NEGR1: variants seen among roughly 807,000 people sequenced by gnomAD.
NEGR1 encodes the protein neuronal growth regulator 1, also known as IgLON family member 4.
Under a neutral mutation model 40.9 loss-of-function variants are expected in NEGR1, and 10 were observed. The observed-to-expected ratio is 0.24, with a 90% CI of 0.15 to 0.42. NEGR1 has a LOEUF of 0.42. Among genes scored for constraint, NEGR1 ranks in the 10% least tolerant of loss-of-function variants. The pLI, the probability that NEGR1 is intolerant of heterozygous loss-of-function variation, is 1.00. For synonymous variants in NEGR1, 185 were observed against 166.8 expected, an observed-to-expected ratio of 1.11 and a Z score of -0.84; for missense variants, 352 against 438.9, an observed-to-expected ratio of 0.80 and a Z score of 1.77.
intron 2 of NEGR1, among the ~76,000 whole-genome samples, chr1:71,817,199 T>A (rs1271554344): frequency 6.6e-6 from 1 of 152,082 alleles, no homozygotes; most frequent in Non-Finnish European, 1.5e-5. Flanking sequence ...GACTTGCTCA[T>A]GCAGCTTCCA....
intron 1 of NEGR1, among the ~76,000 whole-genome samples, chr1:71,959,312 A>G (rs1646144372): frequency 6.6e-6 from 1 of 152,182 alleles, no homozygotes; most frequent in Non-Finnish European, 1.5e-5. Context: ...GTCATCCTGT[A>G]TGACTTTCCA....
At chr1:72,035,377 G>A (rs138422664) in intron 1 of NEGR1, among the ~76,000 whole-genome samples, 44 of 152,210 alleles carry the variant, frequency 2.9e-4, no homozygotes, top group East Asian at 5.8e-4. Flanking sequence ...CAATGGAGCC[G>A]TTTCAACCGG....
chr1:71,966,048 A>G (rs1646207114), intron 1 of NEGR1, among the ~76,000 whole-genome samples: 2 of 152,186 alleles, frequency 1.3e-5, no homozygotes, highest in South Asian at 2.1e-4. Context: ...TAGAATGTTA[A>G]TAACTATGTT....
chr1:71,806,917 G>A (rs1183274839), intron 2 of NEGR1, among the ~76,000 whole-genome samples: 1 of 143,746 alleles, frequency 7.0e-6, no homozygotes, highest in African/African-American at 2.6e-5. Flanking sequence ...TTTTGAGATG[G>A]AGTCTCACTC....
chr1:72,120,144 G>A (rs1043410581), intron 1 of NEGR1, among the ~76,000 whole-genome samples: 1 of 151,888 alleles, frequency 6.6e-6, no homozygotes, highest in Non-Finnish European at 1.5e-5. Flanking sequence ...CAGAGTCTAT[G>A]TCAGTGAACC....
intron 5 of NEGR1, among the ~76,000 whole-genome samples, chr1:71,597,464 C>CTGTGTGTGTG (rs1478049057): frequency 1.6e-4 from 3 of 19,174 alleles, no homozygotes; most frequent in African/African-American, 2.2e-4. Context: ...CTCTCTCTCT[C>CTGTGTGTGTG]TCTCTCTCTG....
rs151325245 is a variant in NEGR1 at position 71,910,536 on chromosome 1, T to G, written c.409+24543A>C. Among the ~76,000 whole-genome samples, 4 of 152,304 alleles carry G rather than the reference T, an allele frequency of 2.6e-5. No individual in the cohort carries two copies. In the East Asian group the frequency reaches 7.7e-4, roughly 29 times the overall value. On this transcript the variant is annotated intron_variant, in intron 2 of 6. Transcript: ENST00000357731. Reference sequence around the variant, plus strand: ...AAATTTAAGTCCAGATAATTTGACTTGAAAATCCATTCTATTTTTGTTTTA... The same window carrying G: ...AAATTTAAGTCCAGATAATTTGACTGGAAAATCCATTCTATTTTTGTTTTA...
chr1:71,500,418 G>T (rs1203766452), intron 6 of NEGR1, among the ~76,000 whole-genome samples: 4 of 151,966 alleles, frequency 2.6e-5, no homozygotes, highest in Non-Finnish European at 5.9e-5. Flanking sequence ...GATTTAAAAA[G>T]TGAAAATTCA....
intron 4 of NEGR1, among the ~76,000 whole-genome samples, chr1:71,641,298 A>G (rs564169724): frequency 1.6e-4 from 25 of 152,070 alleles, no homozygotes; most frequent in Non-Finnish European, 3.5e-4. Flanking sequence ...GTATCTCATG[A>G]AAAATGACAC....
chr1:72,010,197 A>G (rs1646643908), intron 1 of NEGR1, among the ~76,000 whole-genome samples: 2 of 152,044 alleles, frequency 1.3e-5, no homozygotes, highest in East Asian at 3.9e-4. Context: ...GGGCGGGGGA[A>G]TCAAGTGAAA....
intron 3 of NEGR1, among the ~76,000 whole-genome samples, chr1:71,759,287 CTT>C (rs759687500): frequency 1.6e-4 from 14 of 85,200 alleles, no homozygotes; most frequent in African/African-American, 4.8e-4. Context: ...AAGATTATAA[CTT>C]TTTTTTTTTT....
chr1:72,209,694 T>C (rs539490247), intron 1 of NEGR1, among the ~76,000 whole-genome samples: 1 of 152,014 alleles, frequency 6.6e-6, no homozygotes, highest in South Asian at 2.1e-4. Context: ...TTTACTTCTT[T>C]TAACATTGTC....
chr1:71,763,640 G>A (rs1353381401), intron 3 of NEGR1, among the ~76,000 whole-genome samples: 2 of 152,094 alleles, frequency 1.3e-5, no homozygotes, highest in African/African-American at 4.8e-5. Flanking sequence ...TAATGAAAAA[G>A]TTAGTTGAAC....
intron 6 of NEGR1, among the ~76,000 whole-genome samples, chr1:71,583,811 A>G (rs1649212554): frequency 6.6e-6 from 1 of 152,152 alleles, no homozygotes; most frequent in Non-Finnish European, 1.5e-5. Context: ...CTGATTAGTG[A>G]CTTTAATGGT....
rs912385795 is a variant in NEGR1 at position 71,404,455 on chromosome 1, A to G, written c.*2991T>C. 7.9e-5 allele frequency: 12 copies of G among 152,034 alleles called. No homozygotes were observed. Among genetic ancestry groups the G allele is most frequent in the African/African-American group, 2.9e-4 (12 of 41,410 alleles). 9.4% of individuals were successfully genotyped at this position (152,034 alleles called of 1,614,324 possible). ...GATCATTGAAAAACGTAGTTACACC[A>G]CTTGCAGTTAAACTAAGAATGCAAA... is the stretch of plus-strand genomic sequence containing the variant. On this transcript the variant is annotated 3_prime_UTR_variant, in exon 7 of 7. Coordinates refer to ENST00000357731, the MANE Select transcript of NEGR1 (RefSeq NM_173808.3).
At chr1:71,553,979 C>T in intron 6 of NEGR1, among the ~76,000 whole-genome samples, 1 of 151,388 alleles carries the variant, frequency 6.6e-6, no homozygotes, top group East Asian at 2.0e-4. Context: ...CTTAGGCTTA[C>T]AGAAAAGAGT....
At chr1:72,163,955 A>C (rs766399363) in intron 1 of NEGR1, among the ~76,000 whole-genome samples, 8 of 152,020 alleles carry the variant, frequency 5.3e-5, no homozygotes, top group Non-Finnish European at 8.8e-5. Flanking sequence ...CATGAAACTG[A>C]ATGTTCCCAG....
intron 1 of NEGR1, among the ~76,000 whole-genome samples, chr1:72,012,840 TAC>T (rs1646670011): frequency 1.6e-5 from 2 of 128,932 alleles, no homozygotes; most frequent in South Asian, 3.1e-4. Flanking sequence ...CATATATACA[TAC>T]ATATATATAT....
At chr1:72,017,161 C>A (rs1321454137) in intron 1 of NEGR1, among the ~76,000 whole-genome samples, 3 of 143,516 alleles carry the variant, frequency 2.1e-5, no homozygotes, top group African/African-American at 5.5e-5. Flanking sequence ...TGTGTGTAAA[C>A]CAAAGGGAGC....
Sources: allele counts gnomAD v4.1 joint callset (sites outside exome capture counted in the v4.1 genomes callset), GRCh38; gene constraint gnomAD v4.1.1; transcripts MANE v1.5; gene names NCBI Gene and HGNC (gene_info 2026-07-23, HGNC 2026-07-21).